LRP11: variants seen among roughly 807,000 people sequenced by gnomAD.
The protein encoded by LRP11 is low-density lipoprotein receptor-related protein 11.
LRP11 carries 25 observed loss-of-function variants against 43.1 expected under a neutral mutation model. The observed-to-expected ratio is 0.58, with a 90% CI of 0.42 to 0.81. The LOEUF is 0.81. Among genes scored for constraint, LRP11 ranks in the 30% least tolerant of loss-of-function variants. The probability of loss-of-function intolerance (pLI) is 0.00; values close to 1 mark genes in which losing one functional copy is unlikely to be tolerated. For synonymous variants in LRP11, 316 were observed against 299.4 expected (o/e 1.06, Z -0.57); for missense variants, 623 against 665.1 (o/e 0.94, Z 0.70).
intron 6 of LRP11, among the ~76,000 whole-genome samples, chr6:149,824,526 A>C (rs1292824201): frequency 1.3e-5 from 2 of 152,222 alleles, no homozygotes; most frequent in African/African-American, 4.8e-5. Context: ...TAGGGTGATG[A>C]ATTATGTATT....
chr6:149,858,126 T>C (rs1359420706), intron 1 of LRP11, among the ~76,000 whole-genome samples: 1 of 152,218 alleles, frequency 6.6e-6, no homozygotes, highest in Non-Finnish European at 1.5e-5. Context: ...TAGGTATACA[T>C]GTGCCATGTT....
chr6:149,839,553 A>G (rs1202584367), intron 3 of LRP11, among the ~76,000 whole-genome samples: 2 of 152,226 alleles, frequency 1.3e-5, no homozygotes, highest in Non-Finnish European at 2.9e-5. Flanking sequence ...ATGGATCCAT[A>G]TTTGTAAATT....
intron 3 of LRP11, among the ~76,000 whole-genome samples, chr6:149,838,541 C>T (rs111290985): frequency 3.3e-5 from 5 of 151,622 alleles, no homozygotes; most frequent in African/African-American, 7.3e-5. Flanking sequence ...AAAAATTAGC[C>T]GGGCTTGGTG....
intron 2 of LRP11, among the ~76,000 whole-genome samples, chr6:149,843,723 T>C (rs201469588): frequency 6.6e-6 from 1 of 152,100 alleles, no homozygotes; most frequent in Non-Finnish European, 1.5e-5. Context: ...TAAAAAAAAT[T>C]CCCTGAGCTC....
rs540009536 is a variant in LRP11, at chr6:149,863,899, G to A, written c.122C>T (p.Pro41Leu). Reference sequence around the variant, plus strand: ...GTGCAGTTCGGACAGCGGCGCCGCGGGCGGCAAGGCCGCACGGCCGCTTGG... The same window carrying A: ...GTGCAGTTCGGACAGCGGCGCCGCGAGCGGCAAGGCCGCACGGCCGCTTGG... ...WLPSGRAALP[P>L]AAPLSELHAQ... The change falls in exon 1 of 7, where the codon CCC (proline) becomes CTC (leucine). Residue 41 changes from proline (P) to leucine (L), a missense_variant. By Grantham distance (98) the Pro-to-Leu change is moderately conservative. Transcript: ENST00000239367. 2.4e-5 allele frequency: 36 copies of A among 1,488,140 alleles called. 1 individual carries two copies. The South Asian group carries it at 4.3e-4, about 18-fold the overall frequency. The allele number at this position is 1,488,140 out of a possible 1,614,324, so 92.2% of individuals were successfully genotyped here. A position where few individuals can be genotyped will look rare whatever the true frequency, so the allele number is the denominator to read the frequency against.
chr6:149,853,398 G>T (rs894706419), intron 1 of LRP11, among the ~76,000 whole-genome samples: 1 of 151,946 alleles, frequency 6.6e-6, no homozygotes, highest in Non-Finnish European at 1.5e-5. Flanking sequence ...AGCATACGAG[G>T]TCCCACCAAT....
At chr6:149,841,255 C>G (rs1336573900) in intron 3 of LRP11, among the ~76,000 whole-genome samples, 1 of 152,208 alleles carries the variant, frequency 6.6e-6, no homozygotes, top group Admixed American at 6.5e-5. Flanking sequence ...AAATCACAGT[C>G]CTGTTCCAAC....
At chr6:149,844,979 C>T (rs139190133) in intron 2 of LRP11, among the ~76,000 whole-genome samples, 75 of 152,286 alleles carry the variant, frequency 4.9e-4, no homozygotes, top group Middle Eastern at 3.4e-3. Flanking sequence ...CAGGATTCTA[C>T]ACTTACCAAG....
Position 149,832,209 on chromosome 6 carries a change from T to G in LRP11, c.1252+3876A>C, listed in dbSNP as rs1467192928. ...GCTAAGTCTTTTTTTTTTTTTTTTTTGAGACTGAGTCTCACTCTGTCACCT... is the reference window on the plus strand; with the variant it reads ...GCTAAGTCTTTTTTTTTTTTTTTTTGGAGACTGAGTCTCACTCTGTCACCT... On this transcript the variant is annotated intron_variant, in intron 5 of 6. Coordinates refer to ENST00000239367, the MANE Select transcript of LRP11 (RefSeq NM_032832.6). Among the ~76,000 whole-genome samples the G allele has an allele frequency of 5.3e-5, 8 of 150,556 alleles. 1 individual carries two copies. In the South Asian group the frequency reaches 1.5e-3, roughly 28 times the overall value.
At chr6:149,846,102 C>T (rs1441083174) in intron 2 of LRP11, among the ~76,000 whole-genome samples, 2 of 152,154 alleles carry the variant, frequency 1.3e-5, no homozygotes, top group Admixed American at 1.3e-4. Context: ...CACCTTCATC[C>T]GCAGTGAGAG....
At chr6:149,862,237 T>C (rs1360682810) in intron 1 of LRP11, among the ~76,000 whole-genome samples, 1 of 152,206 alleles carries the variant, frequency 6.6e-6, no homozygotes, top group South Asian at 2.1e-4. Context: ...CAGGATGTGA[T>C]GGACACAGAT....
At chr6:149,860,401 C>T (rs1282293187) in intron 1 of LRP11, among the ~76,000 whole-genome samples, 1 of 151,268 alleles carries the variant, frequency 6.6e-6, no homozygotes, top group Non-Finnish European at 1.5e-5. Flanking sequence ...TCTACCTCTC[C>T]TCCCTCCCTC....
In LRP11 at chr6:149,863,773, C is replaced by T; in HGVS notation, c.248G>A (p.Gly83Asp). Residue 83 changes from glycine (G) to aspartate (D), a missense_variant, in exon 1 of 7, where the codon GGC becomes GAC. Transcript: ENST00000239367. The stretch of plus-strand genomic sequence containing the variant: ...GCCCGGGCAGTCCTCCTGGGGGCCG[C>T]CGCCCGCGCGCAGCTCCAGCTCCAG... ...EELELELRAGGGPQEDCPGPG... is the reference protein window; with the variant it reads ...EELELELRAGDGPQEDCPGPG... 1 of 1,478,886 alleles carries T rather than the reference C, an allele frequency of 6.8e-7. No homozygotes were observed. The highest frequency in any genetic ancestry group is 2.9e-5 in the East Asian group (1 of 34,136). The allele number at this position is 1,478,886 out of a possible 1,614,324, so 91.6% of individuals were successfully genotyped here.
chr6:149,832,557 A>G (rs1028714476), intron 5 of LRP11, among the ~76,000 whole-genome samples: 4 of 151,540 alleles, frequency 2.6e-5, no homozygotes, highest in Non-Finnish European at 4.4e-5. Context: ...TAACTCATTC[A>G]TATTTATTGT....
At chr6:149,832,758 C>T (rs1776425075) in intron 5 of LRP11, among the ~76,000 whole-genome samples, 1 of 151,634 alleles carries the variant, frequency 6.6e-6, no homozygotes, top group Admixed American at 6.6e-5. Context: ...GTAGCTGGGA[C>T]TACAGGTGCC....
At chr6:149,837,952 C>G (rs1238175627) in intron 3 of LRP11, among the ~76,000 whole-genome samples, 1 of 152,196 alleles carries the variant, frequency 6.6e-6, no homozygotes, top group Non-Finnish European at 1.5e-5. Context: ...AGGTCTCACT[C>G]TGTCGCCCAG....
chr6:149,846,766 C>T (rs1776638467), intron 2 of LRP11, among the ~76,000 whole-genome samples: 1 of 151,938 alleles, frequency 6.6e-6, no homozygotes, highest in Non-Finnish European at 1.5e-5. Flanking sequence ...TGGTGAAACC[C>T]CATCTTTACT....
chr6:149,852,942 C>T, intron 2 of LRP11, 61 bp downstream of exon 2: 1 of 1,430,250 alleles, frequency 7.0e-7, no homozygotes, highest in Non-Finnish European at 9.5e-7. Flanking sequence ...AGTGGCAGGA[C>T]ATTACAAAAG....
intron 4 of LRP11, among the ~76,000 whole-genome samples, 154 bp from the exon 5 acceptor site, chr6:149,836,451 TCAC>T (rs1776472851): frequency 6.6e-6 from 1 of 152,188 alleles, no homozygotes; most frequent in Non-Finnish European, 1.5e-5. Context: ...AAATCTATTC[TCAC>T]GTTTTCAAAT....
Sources: allele counts gnomAD v4.1 joint callset (sites outside exome capture counted in the v4.1 genomes callset), GRCh38; gene constraint gnomAD v4.1.1; transcripts MANE v1.5; gene names NCBI Gene and HGNC (gene_info 2026-07-23, HGNC 2026-07-21).